The following NTNG2 variants were observed in gnomAD, a reference collection of about 807,000 sequenced individuals.
NTNG2 encodes the protein netrin G2, also known as netrin-G2.
NTNG2 carries 15 observed loss-of-function variants against 47.6 expected under a neutral mutation model. The observed-to-expected ratio is 0.32, with a 90% CI of 0.21 to 0.49. The LOEUF (loss-of-function observed/expected upper bound fraction) is 0.49. NTNG2 is among the 20% of genes least tolerant of loss of function. NTNG2 has a pLI of 0.99. For missense variants in NTNG2, 578 were observed against 764.6 expected, an observed-to-expected ratio of 0.76 and a Z score of 2.88; for synonymous variants, 307 against 324.6, an observed-to-expected ratio of 0.95 and a Z score of 0.58.
At position 132,168,132 on chromosome 9, in the gene NTNG2, G is replaced by T. The variant is rs186950740; in HGVS notation, c.213+1088G>T. On this transcript the variant is annotated intron_variant, in intron 2 of 7. Coordinates refer to ENST00000393229, the MANE Select transcript of NTNG2 (RefSeq NM_032536.4). ...AGGCAGCCCAGGGGTGACGGGTAAA[G>T]GCATCTGGCCAAGGTCACACTCCAG... 4.6e-5 allele frequency among the ~76,000 whole-genome samples: 7 copies of T among 152,370 alleles called. No individual in the cohort carries two copies. In the East Asian group the frequency reaches 1.3e-3, roughly 29 times the overall value.
At chr9:132,228,606 G>A (rs1278771209) in intron 4 of NTNG2, among the ~76,000 whole-genome samples, 6 of 150,286 alleles carry the variant, frequency 4.0e-5, no homozygotes, top group Admixed American at 4.0e-4. Context: ...CGTCCAGGCT[G>A]GAGTGCAGTG....
At chr9:132,167,430 C>T (rs1248407614) in intron 2 of NTNG2, among the ~76,000 whole-genome samples, 1 of 152,268 alleles carries the variant, frequency 6.6e-6, no homozygotes, top group Non-Finnish European at 1.5e-5. Context: ...ATACTGTAAG[C>T]TCCCTCTGTT....
Position 132,215,680 on chromosome 9 carries a change from G to A in NTNG2, c.858-11169G>A, listed in dbSNP as rs921403594. Among the ~76,000 whole-genome samples the A allele has an allele frequency of 6.6e-6, 1 of 152,194 alleles. No homozygotes were observed. The highest frequency in any genetic ancestry group is 1.5e-5 in the Non-Finnish European group (1 of 68,040). On this transcript the variant is annotated intron_variant, in intron 3 of 7. Coordinates refer to ENST00000393229, the MANE Select transcript of NTNG2 (RefSeq NM_032536.4). The surrounding 1 kb of genome is among the most constrained non-coding windows in gnomAD (Gnocchi z 4.2). ...ACCTCTTGGGGCGCCCCAGGGGCCT[G>A]GAGAATAGGTTGATTATCTCTATTT...
chr9:132,214,114 A>G (rs1261601173), intron 3 of NTNG2, among the ~76,000 whole-genome samples: 1 of 152,156 alleles, frequency 6.6e-6, no homozygotes, highest in Non-Finnish European at 1.5e-5. Flanking sequence ...TGGCTCGCTC[A>G]CCCAAACTCA....
chr9:132,205,080 T>C (rs1839066678), intron 3 of NTNG2, among the ~76,000 whole-genome samples: 2 of 152,190 alleles, frequency 1.3e-5, no homozygotes, highest in Admixed American at 1.3e-4. Context: ...CTGAACAAGT[T>C]ACATGTAGAT....
intron 4 of NTNG2, 116 bp downstream of exon 4, chr9:132,227,137 G>A (rs1840826936): frequency 1.7e-6 from 2 of 1,144,886 alleles, no homozygotes; most frequent in Non-Finnish European, 2.4e-6. Context: ...GCACATACGT[G>A]TGCACATGCA....
chr9:132,164,368 G>A (rs1835342603), intron 1 of NTNG2, among the ~76,000 whole-genome samples: 1 of 152,080 alleles, frequency 6.6e-6, no homozygotes, highest in Admixed American at 6.5e-5. Flanking sequence ...GGCGTCCAGC[G>A]CCCTGCAAGC....
At chr9:132,193,499 G>A (rs1006062960) in intron 2 of NTNG2, among the ~76,000 whole-genome samples, 4 of 152,170 alleles carry the variant, frequency 2.6e-5, no homozygotes, top group African/African-American at 9.7e-5. Flanking sequence ...CTCTGAGGTG[G>A]GAGGGGACGA....
chr9:132,197,399 T>C lies in NTNG2; in HGVS notation c.214-567T>C, dbSNP rs541789583. Among the ~76,000 whole-genome samples the C allele has an allele frequency of 9.2e-5, 14 of 151,788 alleles. No homozygotes were observed. Among genetic ancestry groups the C allele is most frequent in the Admixed American group, 5.2e-4 (8 of 15,242 alleles). On this transcript the variant is annotated intron_variant, in intron 2 of 7. Coordinates refer to ENST00000393229, the MANE Select transcript of NTNG2 (RefSeq NM_032536.4). This position sits in a 1 kb window ranked among gnomAD's most constrained non-coding sequence, Gnocchi z 4.3. ...GCAAGACTCCATCTCAATAAAAAAA[T>C]AAAATTAAAATTAAAAAATAAAAGG...
In NTNG2 at chr9:132,226,186, A is replaced by G. The variant is rs1010180989; in HGVS notation, c.858-663A>G. 6.6e-6 allele frequency among the ~76,000 whole-genome samples: 1 copy of G among 152,222 alleles called. No individual in the cohort carries two copies. The highest frequency in any genetic ancestry group is 2.4e-5 in the African/African-American group (1 of 41,456). On this transcript the variant is annotated intron_variant, in intron 3 of 7. Coordinates refer to ENST00000393229, the MANE Select transcript of NTNG2 (RefSeq NM_032536.4). The surrounding 1 kb of genome is among the most constrained non-coding windows in gnomAD (Gnocchi z 4.8). ...TCAACTTTCGGTTACCCCGAGGTACAGTTTATATAGGACAGGCAGGATAAA... is the reference window on the plus strand; with the variant it reads ...TCAACTTTCGGTTACCCCGAGGTACGGTTTATATAGGACAGGCAGGATAAA...
intron 7 of NTNG2, 34 bp from the exon 8 acceptor site, chr9:132,241,842 C>A (rs982594455): frequency 6.8e-7 from 1 of 1,462,054 alleles, no homozygotes; most frequent in Non-Finnish European, 9.2e-7. Flanking sequence ...GGGACCGGGC[C>A]ACCCCCCGTG....
In NTNG2 at chr9:132,208,214, G is replaced by A. The variant is rs151045491; in HGVS notation, c.857+9605G>A. ...GCTTTGAAGGAGAAACCTGAAGGGG[G>A]AACGGGGGCACGGCATTTGTGGCAG... On this transcript the variant is annotated intron_variant, in intron 3 of 7. Coordinates refer to ENST00000393229, the MANE Select transcript of NTNG2 (RefSeq NM_032536.4). This position sits in a 1 kb window ranked among gnomAD's most constrained non-coding sequence, Gnocchi z 4.0. Among the ~76,000 whole-genome samples the A allele has an allele frequency of 6.6e-6, 1 of 151,970 alleles. No homozygotes were observed. Among genetic ancestry groups the A allele is most frequent in the Non-Finnish European group, 1.5e-5 (1 of 67,978 alleles).
intron 1 of NTNG2, among the ~76,000 whole-genome samples, chr9:132,164,861 GGCTGCTCCGAGCCTGA>G (rs1835388660): frequency 6.6e-6 from 1 of 152,194 alleles, no homozygotes; most frequent in Non-Finnish European, 1.5e-5. Context: ...CCTGGCTGGG[GGCTGCTCCGAGCCTGA>G]GGTGCTCAGG....
In NTNG2 at chr9:132,231,302, A is replaced by C. The variant is rs1841200414; in HGVS notation, c.1054+707A>C. 1 of 455,954 alleles carries C rather than the reference A, an allele frequency of 2.2e-6. No individual in the cohort carries two copies. The allele number at this position is 455,954 out of a possible 1,614,324, so 28.2% of individuals were successfully genotyped here. A position where few individuals can be genotyped will look rare whatever the true frequency, so the allele number is the denominator to read the frequency against. On this transcript the variant is annotated intron_variant, in intron 5 of 7. Coordinates refer to ENST00000393229, the MANE Select transcript of NTNG2 (RefSeq NM_032536.4). The surrounding 1 kb of genome is among the most constrained non-coding windows in gnomAD (Gnocchi z 4.1). ...CACGGTCTCTCCTTTCAGCCTTGCA[A>C]ACCCCTCCCCCTGGGAGGTCGCCAT...
chr9:132,186,522 G>A (rs1027249923), intron 2 of NTNG2, among the ~76,000 whole-genome samples: 2 of 152,212 alleles, frequency 1.3e-5, no homozygotes, highest in Non-Finnish European at 2.9e-5. Context: ...AGGGGTCTGC[G>A]GTCCTGATGA....
At chr9:132,195,251 T>TCTTG (rs1174752826) in intron 2 of NTNG2, among the ~76,000 whole-genome samples, 2 of 149,044 alleles carry the variant, frequency 1.3e-5, no homozygotes, top group African/African-American at 4.9e-5. Flanking sequence ...ATTATCCACA[T>TCTTG]CTTGCATTAG....
rs779248661 is a variant in NTNG2 at position 132,208,057 on chromosome 9, CTG to C, written c.857+9451_857+9452del. Among the ~76,000 whole-genome samples, 1 of 152,070 alleles carries C rather than the reference CTG, an allele frequency of 6.6e-6. No homozygotes were observed. The highest frequency in any genetic ancestry group is 6.5e-5 in the Admixed American group (1 of 15,280). ...AAGTCAAGCCTGCAGTGAGTTATGA[CTG>C]TGCTACTGCACTCCAGCCTGGGCAA... On this transcript the variant is annotated intron_variant, in intron 3 of 7. Transcript: ENST00000393229. This position sits in a 1 kb window ranked among gnomAD's most constrained non-coding sequence, Gnocchi z 4.0.
At chr9:132,177,487 G>C (rs1836555421) in intron 2 of NTNG2, among the ~76,000 whole-genome samples, 1 of 152,174 alleles carries the variant, frequency 6.6e-6, no homozygotes, top group South Asian at 2.1e-4. Context: ...TGGTGTAAGG[G>C]AAAAGGTCTA....
intron 3 of NTNG2, among the ~76,000 whole-genome samples, chr9:132,214,517 T>C (rs1167314105): frequency 6.6e-6 from 1 of 152,102 alleles, no homozygotes; most frequent in African/African-American, 2.4e-5. Flanking sequence ...CTACTAACAG[T>C]TGTGGTCTCC....
Sources: allele counts gnomAD v4.1 joint callset (sites outside exome capture counted in the v4.1 genomes callset), GRCh38; gene constraint gnomAD v4.1.1; non-coding constraint Gnocchi (gnomAD v3.1); transcripts MANE v1.5; gene names NCBI Gene and HGNC (gene_info 2026-07-23, HGNC 2026-07-21).